LOC400499: variants seen among roughly 807,000 people sequenced by gnomAD.
the LOC400499 span, among the ~76,000 whole-genome samples, chr16:11,498,582 C>T: frequency 6.6e-6 from 1 of 152,060 alleles, no homozygotes; most frequent in Non-Finnish European, 1.5e-5. Flanking sequence ...TCACTCCCCA[C>T]TTCCCACCCC....
the LOC400499 span, among the ~76,000 whole-genome samples, chr16:11,475,217 G>A: frequency 1.3e-5 from 2 of 151,942 alleles, no homozygotes; most frequent in Non-Finnish European, 2.9e-5. Flanking sequence ...ATGCATGCGG[G>A]GCTTGTAACC....
At chr16:11,383,280 G>C in the LOC400499 span, among the ~76,000 whole-genome samples, 18 of 152,136 alleles carry the variant, frequency 1.2e-4, no homozygotes, top group African/African-American at 4.3e-4. Context: ...TGTTAGCCAG[G>C]ATGGTCTCGA....
chr16:11,523,686 G>C, the LOC400499 span: 3 of 373,242 alleles, frequency 8.0e-6, no homozygotes, highest in Non-Finnish European at 1.4e-5. Flanking sequence ...TGTTCATCTT[G>C]GGTACTGGCA....
the LOC400499 span, among the ~76,000 whole-genome samples, chr16:11,500,136 G>C: frequency 6.6e-6 from 1 of 152,084 alleles, no homozygotes; most frequent in Non-Finnish European, 1.5e-5. Context: ...CCAGACACCA[G>C]GAGAACCACT....
the LOC400499 span, among the ~76,000 whole-genome samples, chr16:11,515,147 A>AT: frequency 1.3e-5 from 2 of 151,896 alleles, no homozygotes; most frequent in East Asian, 1.9e-4. Context: ...CTCTACTAAA[A>AT]TTTTTTTTAA....
the LOC400499 span, among the ~76,000 whole-genome samples, chr16:11,405,577 G>A: frequency 6.6e-6 from 1 of 152,168 alleles, no homozygotes; most frequent in Non-Finnish European, 1.5e-5. Context: ...CTGCTGGTGG[G>A]TGCCACAGTC....
chr16:11,448,811 C>G, the LOC400499 span: 6 of 930,614 alleles, frequency 6.4e-6, no homozygotes, highest in Admixed American at 3.0e-5. Flanking sequence ...GGTCACAGGC[C>G]AAGCCAGTAG....
the LOC400499 span, among the ~76,000 whole-genome samples, chr16:11,477,618 G>C: frequency 6.6e-6 from 1 of 152,230 alleles, no homozygotes; most frequent in African/African-American, 2.4e-5. Flanking sequence ...TTGAACATGT[G>C]ACTGGACCTC....
chr16:11,460,933 C>T, the LOC400499 span: 1 of 1,502,256 alleles, frequency 6.7e-7, no homozygotes, highest in African/African-American at 1.4e-5. Context: ...CCACCTCCAC[C>T]TGCCCCGCAA....
chr16:11,495,537 C>A, the LOC400499 span, among the ~76,000 whole-genome samples: 1 of 152,152 alleles, frequency 6.6e-6, no homozygotes, highest in East Asian at 1.9e-4. Context: ...CGTGCCACCA[C>A]CCTTGGCTCA....
chr16:11,385,118 G>A, the LOC400499 span: 2 of 1,231,308 alleles, frequency 1.6e-6, no homozygotes, highest in East Asian at 3.2e-5. Flanking sequence ...CAGGTGACAA[G>A]CTTGAAAGTG....
chr16:11,454,906 C>A, the LOC400499 span, among the ~76,000 whole-genome samples: 2 of 152,150 alleles, frequency 1.3e-5, no homozygotes, highest in Non-Finnish European at 2.9e-5. Context: ...AAAAGGGAGG[C>A]TGCAGAACCA....
the LOC400499 span, among the ~76,000 whole-genome samples, chr16:11,401,879 C>A: frequency 6.6e-6 from 1 of 152,306 alleles, no homozygotes; most frequent in East Asian, 1.9e-4. Flanking sequence ...CTCCTGCTGC[C>A]CCCCCAGTGC....
At chr16:11,502,057 C>G in the LOC400499 span, 29 of 399,116 alleles carry the variant, frequency 7.3e-5, no homozygotes, top group East Asian at 3.9e-4. Flanking sequence ...GTCCATCCCC[C>G]ACCCGGAGAG....
chr16:11,410,320 G>A, the LOC400499 span, among the ~76,000 whole-genome samples: 3 of 152,144 alleles, frequency 2.0e-5, no homozygotes, highest in African/African-American at 7.2e-5. Flanking sequence ...CAGGCGTGGT[G>A]GCGCACGCCT....
At chr16:11,452,668 T>C in the LOC400499 span, among the ~76,000 whole-genome samples, 1 of 152,286 alleles carries the variant, frequency 6.6e-6, no homozygotes, top group Non-Finnish European at 1.5e-5. Flanking sequence ...GTGTAGAGTC[T>C]TTCCATGAGG....
the LOC400499 span, chr16:11,392,478 G>A: frequency 2.5e-6 from 1 of 399,104 alleles, no homozygotes; most frequent in East Asian, 3.6e-5. Flanking sequence ...CATGCCCGCA[G>A]CACCACACTC....
the LOC400499 span, chr16:11,402,349 CG>C: frequency 2.6e-6 from 1 of 391,776 alleles, no homozygotes; most frequent in African/African-American, 2.1e-5. Context: ...CATTACCACT[CG>C]ACACCCTGCA....
chr16:11,432,555 AAGGTTCCTACTCC>A, the LOC400499 span, among the ~76,000 whole-genome samples: 52 of 152,330 alleles, frequency 3.4e-4, no homozygotes, highest in African/African-American at 1.2e-3. Flanking sequence ...TTTGGAATAT[AAGGTTCCTACTCC>A]AGGGTCATAA....
Sources: allele counts gnomAD v4.1 joint callset (sites outside exome capture counted in the v4.1 genomes callset), GRCh38; gene constraint gnomAD v4.1.1; transcripts MANE v1.5.